POLQ: variants seen among roughly 807,000 people sequenced by gnomAD.
POLQ encodes the protein DNA polymerase theta.
In POLQ, 233 loss-of-function variants were observed where a neutral mutation model predicts 259.2. The ratio of observed to expected loss-of-function variants is 0.90; its 90% CI spans 0.81 to 1.00. The LOEUF is 1.00. Ranked by LOEUF, POLQ falls within the 50% of genes least tolerant of loss-of-function variation. The probability of loss-of-function intolerance (pLI) is 0.00; values close to 1 mark genes in which losing one functional copy is unlikely to be tolerated. For synonymous variants in POLQ, 1,025 were observed against 1,048.8 expected (o/e 0.98, Z 0.44); for missense variants, 2,871 against 3,051.6 (o/e 0.94, Z 1.39).
intron 20 of POLQ, among the ~76,000 whole-genome samples, chr3:121,475,709 G>T (rs542603069): frequency 6.6e-6 from 1 of 152,156 alleles, no homozygotes; most frequent in Non-Finnish European, 1.5e-5. Context: ...ATTTTGACAT[G>T]CAGGACGAAG....
At chr3:121,494,224 T>G in intron 14 of POLQ, 8 of 1,510,022 alleles carry the variant, frequency 5.3e-6, no homozygotes, top group Non-Finnish European at 7.3e-6. Context: ...CTAAGAATTT[T>G]GGCACTGGAC....
In POLQ at chr3:121,485,243, T is replaced by C; in HGVS notation, c.5630-59A>G. On this transcript the variant is annotated intron_variant, in intron 16 of 29. Coordinates refer to ENST00000264233, the MANE Select transcript of POLQ (RefSeq NM_199420.4). ...TCTAAAAATAAAGACATTACATAAATTGTTAAAACAATTATAATAAAAAAC... is the reference window on the plus strand; with the variant it reads ...TCTAAAAATAAAGACATTACATAAACTGTTAAAACAATTATAATAAAAAAC... The C allele has an allele frequency of 1.7e-6, 2 of 1,175,012 alleles. 1 individual carries two copies. Among genetic ancestry groups the C allele is most frequent in the South Asian group, 3.3e-5 (2 of 61,228 alleles). 72.8% of individuals were successfully genotyped at this position (1,175,012 alleles called of 1,614,324 possible).
intron 24 of POLQ, among the ~76,000 whole-genome samples, chr3:121,460,739 T>G (rs2047784968): frequency 6.6e-6 from 1 of 152,144 alleles, no homozygotes; most frequent in African/African-American, 2.4e-5. Context: ...TGCCCTGATT[T>G]GACAATAACA....
chr3:121,481,827 A>G lies in POLQ; in HGVS notation c.5971-15T>C. 6.3e-7 allele frequency: 1 copy of G among 1,577,770 alleles called. No homozygotes were observed. The highest frequency in any genetic ancestry group is 8.6e-7 in the Non-Finnish European group (1 of 1,160,774). On this transcript the variant is annotated splice_polypyrimidine_tract_variant and intron_variant, in intron 18 of 29. Coordinates refer to ENST00000264233, the MANE Select transcript of POLQ (RefSeq NM_199420.4). ...CAGCATGCCACCTGAATGGGATAGCAATGAGAATATTTTCCTGATTTTTTT... is the reference window on the plus strand; with the variant it reads ...CAGCATGCCACCTGAATGGGATAGCGATGAGAATATTTTCCTGATTTTTTT...
chr3:121,527,815 C>G (rs896986299), intron 7 of POLQ, among the ~76,000 whole-genome samples: 1 of 152,128 alleles, frequency 6.6e-6, no homozygotes, highest in African/African-American at 2.4e-5. Flanking sequence ...TACAGTACTG[C>G]ACTAAATATG....
chr3:121,484,221 CA>C (rs1366936011), intron 17 of POLQ, among the ~76,000 whole-genome samples: 2 of 152,184 alleles, frequency 1.3e-5, no homozygotes, highest in African/African-American at 4.8e-5. Context: ...TGCTCCTGTC[CA>C]AAACCAACCT....
intron 25 of POLQ, among the ~76,000 whole-genome samples, chr3:121,455,848 A>G (rs1026732017): frequency 6.6e-6 from 1 of 152,220 alleles, no homozygotes; most frequent in Non-Finnish European, 1.5e-5. Flanking sequence ...TATTCCAATC[A>G]ATAGAAAAAG....
In POLQ at chr3:121,488,923, T is replaced by C. The variant is rs189209466; in HGVS notation, c.4008A>G (p.Ala1336=). ...TQSEKIIQQM[A]TENAKLGAKD... is the part of the protein sequence containing the mutation. ...TTGCTCCTAGTTTGGCATTTTCAGT[T>C]GCCATCTGTTGTATTATTTTCTCTG... is the stretch of plus-strand genomic sequence containing the variant. The change falls in exon 16 of 30, where the codon GCA becomes GCG. Residue 1336 remains alanine (A), a synonymous_variant. Coordinates refer to ENST00000264233, the MANE Select transcript of POLQ (RefSeq NM_199420.4). The C allele has an allele frequency of 5.5e-5, 88 of 1,614,166 alleles. 1 individual carries two copies. The East Asian group carries it at 1.7e-3, about 31-fold the overall frequency.
chr3:121,484,670 G>T (rs2047995989), intron 17 of POLQ, among the ~76,000 whole-genome samples: 7 of 152,220 alleles, frequency 4.6e-5, no homozygotes, highest in Admixed American at 3.9e-4. Flanking sequence ...GGAGGCCAAG[G>T]CGGGTGGATC....
At chr3:121,501,661 CAAAAAAAAAAA>C (rs60180456) in intron 12 of POLQ, among the ~76,000 whole-genome samples, 3 of 39,914 alleles carry the variant, frequency 7.5e-5, no homozygotes, top group East Asian at 1.1e-3. Context: ...GACTCCGTCT[CAAAAAAAAAAA>C]AAAAAAAAAA....
In POLQ at chr3:121,502,385, G is replaced by A. The variant is rs557850659; in HGVS notation, c.1960-3715C>T. Reference sequence around the variant, plus strand: ...CACCCAGCTCATTTTTGTATTTTTAGTAAAGATGGGGCCTCACCATGATGA... The same window carrying A: ...CACCCAGCTCATTTTTGTATTTTTAATAAAGATGGGGCCTCACCATGATGA... On this transcript the variant is annotated intron_variant, in intron 12 of 29. Transcript: ENST00000264233. Among the ~76,000 whole-genome samples, 23 of 152,184 alleles carry A rather than the reference G, an allele frequency of 1.5e-4. No individual in the cohort carries two copies. In the South Asian group the frequency reaches 1.7e-3, roughly 11 times the overall value.
chr3:121,522,054 C>G lies in POLQ; in HGVS notation c.1204G>C (p.Asp402His), dbSNP rs780848117. 6.2e-7 allele frequency: 1 copy of G among 1,607,490 alleles called. No homozygotes were observed. Among genetic ancestry groups the G allele is most frequent in the East Asian group, 2.3e-5 (1 of 44,300 alleles). The stretch of plus-strand genomic sequence containing the variant: ...GGTACAGTTTTCTGTAATACAGAGT[C>G]CAGTCCTGAAGGCAAACGTCTTAAC... Reference protein sequence around the residue: ...DQLRRLPSGLDSVLQKTVPWG... With the variant: ...DQLRRLPSGLHSVLQKTVPWG... The change falls in exon 8 of 30, where the codon GAC becomes CAC. Residue 402 changes from aspartate to histidine, a missense_variant. Around this residue, in one of 3 missense-constraint regions of POLQ, gnomAD observed 783 missense variants for 906.2 expected, o/e 0.86. Coordinates refer to ENST00000264233, the MANE Select transcript of POLQ (RefSeq NM_199420.4).
intron 5 of POLQ, among the ~76,000 whole-genome samples, chr3:121,534,954 G>A (rs965128944): frequency 1.3e-5 from 2 of 152,118 alleles, no homozygotes; most frequent in East Asian, 1.9e-4. Context: ...TTGCTTTATG[G>A]TCCAGTATAT....
chr3:121,523,626 G>A (rs959417688), intron 7 of POLQ, among the ~76,000 whole-genome samples: 2 of 151,938 alleles, frequency 1.3e-5, no homozygotes, highest in African/African-American at 2.4e-5. Flanking sequence ...GAAGTGGGAG[G>A]ATCACTTGAG....
chr3:121,462,190 C>T (rs1337151954), intron 24 of POLQ, among the ~76,000 whole-genome samples: 1 of 152,046 alleles, frequency 6.6e-6, no homozygotes, highest in Non-Finnish European at 1.5e-5. Context: ...ACAAGGGATA[C>T]TCAAACTGTA....
intron 27 of POLQ, among the ~76,000 whole-genome samples, chr3:121,437,930 C>T (rs1483610894): frequency 6.6e-6 from 1 of 151,948 alleles, no homozygotes; most frequent in Non-Finnish European, 1.5e-5. Flanking sequence ...CAAAAAAATG[C>T]AAAACAAAAC....
At position 121,496,932 on chromosome 3, in the gene POLQ, C is replaced by T. The variant is rs779169479; in HGVS notation, c.2154G>A (p.Arg718=). ...CTAATAGCACAAGACTGGTGAAAAACCTGGGAATAAATCATCAAAAGCGTG... is the reference window on the plus strand; with the variant it reads ...CTAATAGCACAAGACTGGTGAAAAATCTGGGAATAAATCATCAAAAGCGTG... ...RQHRQMAIHK[R]FFTSLVLLDL... is the part of the protein sequence containing the mutation. Residue 718 remains arginine (R), a splice_region_variant and synonymous_variant, in exon 14 of 30, where the codon AGG becomes AGA. Coordinates refer to ENST00000264233, the MANE Select transcript of POLQ (RefSeq NM_199420.4). 1 of 1,611,678 alleles carries T rather than the reference C, an allele frequency of 6.2e-7. No individual in the cohort carries two copies. The highest frequency in any genetic ancestry group is 2.2e-5 in the East Asian group (1 of 44,848).
rs541633492 is a variant in POLQ at position 121,473,788 on chromosome 3, G to C, written c.6406-301C>G. Among the ~76,000 whole-genome samples, 46 of 141,888 alleles carry C rather than the reference G, an allele frequency of 3.2e-4. No individual in the cohort carries two copies. The South Asian group carries it at 4.1e-3, about 13-fold the overall frequency. 93.1% of individuals were successfully genotyped at this position (141,888 alleles called of 152,430 possible). A position where few individuals can be genotyped will look rare whatever the true frequency, so the allele number is the denominator to read the frequency against. Reference sequence around the variant, plus strand: ...GTCACCCAGGCCAGAGTGTAGTGGTGTGATCACAGCTCACTCTAGCCTTGA... The same window carrying C: ...GTCACCCAGGCCAGAGTGTAGTGGTCTGATCACAGCTCACTCTAGCCTTGA... On this transcript the variant is annotated intron_variant, in intron 20 of 29. Transcript: ENST00000264233.
intron 25 of POLQ, among the ~76,000 whole-genome samples, chr3:121,450,344 T>C (rs1299969904): frequency 6.6e-6 from 1 of 152,016 alleles, no homozygotes; most frequent in Non-Finnish European, 1.5e-5. Context: ...AGTTTTCTAT[T>C]TTATTTTTTC....
Sources: allele counts gnomAD v4.1 joint callset (sites outside exome capture counted in the v4.1 genomes callset), GRCh38; gene constraint gnomAD v4.1.1; regional missense constraint gnomAD v4.1.1; transcripts MANE v1.5; gene names NCBI Gene and HGNC (gene_info 2026-07-23, HGNC 2026-07-21).